Variants in MARCHF1 observed in about 807,000 individuals in gnomAD.
MARCHF1 encodes the protein E3 ubiquitin-protein ligase MARCHF1.
MARCHF1 carries 40 observed loss-of-function variants against 54.2 expected under a neutral mutation model. The ratio of observed to expected loss-of-function variants is 0.74; its 90% CI spans 0.57 to 0.96. The LOEUF is 0.96. MARCHF1 is among the 40% of genes least tolerant of loss of function. The pLI is 0.00. For missense variants in MARCHF1, 586 were observed against 656.5 expected, an observed-to-expected ratio of 0.89 and a Z score of 1.17; for synonymous variants, 236 against 236.3, an observed-to-expected ratio of 1.00 and a Z score of 0.01.
At chr4:163,871,739 T>C (rs1750174417) in intron 3 of MARCHF1, among the ~76,000 whole-genome samples, 1 of 152,186 alleles carries the variant, frequency 6.6e-6, no homozygotes, top group Admixed American at 6.5e-5. Flanking sequence ...CATATGCTTA[T>C]TATTTTATTA....
intron 1 of MARCHF1, among the ~76,000 whole-genome samples, chr4:164,183,084 A>G (rs1319493867): frequency 6.6e-6 from 1 of 152,066 alleles, no homozygotes; most frequent in Non-Finnish European, 1.5e-5. Flanking sequence ...TTATATTTTT[A>G]CAACTGTTAA....
At chr4:163,626,744 T>G (rs1741884361) in intron 5 of MARCHF1, among the ~76,000 whole-genome samples, 1 of 152,052 alleles carries the variant, frequency 6.6e-6, no homozygotes. Flanking sequence ...CTGGCCAACA[T>G]GGTGAAACCC....
intron 2 of MARCHF1, among the ~76,000 whole-genome samples, chr4:164,016,804 G>A (rs755678288): frequency 2.0e-5 from 3 of 151,906 alleles, no homozygotes; most frequent in Non-Finnish European, 4.4e-5. Context: ...ATAAAAGAGC[G>A]GAATTGGAAT....
chr4:163,919,295 AGAGT>A (rs1751374301), intron 3 of MARCHF1, among the ~76,000 whole-genome samples: 1 of 152,136 alleles, frequency 6.6e-6, no homozygotes, highest in African/African-American at 2.4e-5. Flanking sequence ...TATTTCAATA[AGAGT>A]GAGTAACTAT....
intron 5 of MARCHF1, among the ~76,000 whole-genome samples, chr4:163,620,598 CACACACACAGAGAGAG>C (rs1262515223): frequency 0.017 from 1,438 of 82,746 alleles, 19 homozygotes; most frequent in African/African-American, 0.078. Flanking sequence ...CACACACACA[CACACACACAGAGAGAG>C]AGAGAGAGAG....
chr4:163,775,305 C>A (rs970516636), intron 4 of MARCHF1, among the ~76,000 whole-genome samples: 1 of 152,188 alleles, frequency 6.6e-6, no homozygotes, highest in Non-Finnish European at 1.5e-5. Flanking sequence ...TCATTCTCCC[C>A]TAATATTGTA....
At chr4:164,147,330 C>T (rs1356810186) in intron 1 of MARCHF1, among the ~76,000 whole-genome samples, 1 of 148,618 alleles carries the variant, frequency 6.7e-6, no homozygotes, top group Non-Finnish European at 1.5e-5. Context: ...TGGGTATATA[C>T]CCAAAGGACT....
intron 2 of MARCHF1, among the ~76,000 whole-genome samples, chr4:164,079,772 T>C (rs1755056658): frequency 6.6e-6 from 1 of 152,200 alleles, no homozygotes; most frequent in Admixed American, 6.5e-5. Context: ...ATTATCAATA[T>C]ACTATGAAAT....
Position 163,772,459 on chromosome 4 carries a change from T to C in MARCHF1, c.112-71596A>G, listed in dbSNP as rs555037188. 9.8e-5 allele frequency among the ~76,000 whole-genome samples: 15 copies of C among 152,308 alleles called. No homozygotes were observed. In the South Asian group the frequency reaches 3.1e-3, roughly 32 times the overall value. ...AGGATGAAACAAGCTGTCAGCTAGC[T>C]TGTCTGGAGGCTCTGGGGAAAAATC... On this transcript the variant is annotated intron_variant, in intron 4 of 9. Transcript: ENST00000514618.
intron 2 of MARCHF1, among the ~76,000 whole-genome samples, chr4:164,091,561 C>T (rs1159794831): frequency 6.6e-6 from 1 of 151,632 alleles, no homozygotes; most frequent in African/African-American, 2.4e-5. Flanking sequence ...GTAAGAACCA[C>T]TTGCAATCAT....
intron 1 of MARCHF1, among the ~76,000 whole-genome samples, chr4:164,129,453 A>T (rs938679249): frequency 4.7e-5 from 7 of 148,748 alleles, no homozygotes; most frequent in Non-Finnish European, 7.4e-5. Flanking sequence ...ACAGTTAAGC[A>T]AAAACAGAAA....
chr4:163,612,010 G>A (rs1741358319), intron 7 of MARCHF1, among the ~76,000 whole-genome samples: 1 of 152,030 alleles, frequency 6.6e-6, no homozygotes, highest in Non-Finnish European at 1.5e-5. Flanking sequence ...AGACTCAGCT[G>A]AGTCAGCCCC....
intron 8 of MARCHF1, among the ~76,000 whole-genome samples, chr4:163,558,304 C>T (rs112593365): frequency 6.6e-6 from 1 of 152,296 alleles, no homozygotes; most frequent in Admixed American, 6.5e-5. Flanking sequence ...CAAAAGGAAT[C>T]TCTTTATGAC....
At chr4:164,241,833 G>T (rs1042941512) in intron 1 of MARCHF1, among the ~76,000 whole-genome samples, 15 of 152,212 alleles carry the variant, frequency 9.9e-5, no homozygotes, top group Non-Finnish European at 2.1e-4. Flanking sequence ...AGAGGTCAGG[G>T]AGTTCCCTTT....
chr4:163,558,753 A>G (rs1739376136), intron 8 of MARCHF1, among the ~76,000 whole-genome samples: 1 of 152,178 alleles, frequency 6.6e-6, no homozygotes, highest in Non-Finnish European at 1.5e-5. Flanking sequence ...GGGTTTCAGA[A>G]AGCCTGTTCT....
intron 3 of MARCHF1, among the ~76,000 whole-genome samples, chr4:163,855,386 A>G (rs1749743671): frequency 6.6e-6 from 1 of 152,160 alleles, no homozygotes; most frequent in South Asian, 2.1e-4. Flanking sequence ...GGCCTTTCAA[A>G]CACATTGCTT....
intron 2 of MARCHF1, among the ~76,000 whole-genome samples, chr4:164,033,941 T>A (rs528153218): frequency 6.6e-6 from 1 of 152,258 alleles, no homozygotes; most frequent in Admixed American, 6.5e-5. Flanking sequence ...CCCAAAGGAA[T>A]ATAAATCATT....
intron 2 of MARCHF1, among the ~76,000 whole-genome samples, chr4:164,087,897 C>T (rs1009473109): frequency 1.3e-5 from 2 of 151,878 alleles, no homozygotes; most frequent in South Asian, 2.1e-4. Context: ...ATGCTTTGTC[C>T]GCATCACTTC....
chr4:164,066,786 C>T (rs1413764043), intron 2 of MARCHF1, among the ~76,000 whole-genome samples: 1 of 152,240 alleles, frequency 6.6e-6, no homozygotes, highest in Non-Finnish European at 1.5e-5. Flanking sequence ...CCAAATGCTG[C>T]ATGTTCTCAC....
Sources: allele counts gnomAD v4.1 joint callset (sites outside exome capture counted in the v4.1 genomes callset), GRCh38; gene constraint gnomAD v4.1.1; transcripts MANE v1.5; gene names NCBI Gene and HGNC (gene_info 2026-07-23, HGNC 2026-07-21).